The following GLIS3 variants were observed in gnomAD, a reference collection of about 807,000 sequenced individuals.
GLIS3 encodes the protein zinc finger protein GLIS3.
A neutral mutation model predicts 78.6 loss-of-function variants in GLIS3; 53 were observed. The ratio of observed to expected loss-of-function variants is 0.67; its 90% CI spans 0.54 to 0.85. The LOEUF is 0.85. Among genes scored for constraint, GLIS3 ranks in the 40% least tolerant of loss-of-function variants. GLIS3 has a pLI of 0.00. For missense variants in GLIS3, 1,703 were observed against 1,231.1 expected (o/e 1.38, Z -5.74); for synonymous variants, 684 against 509.9 (o/e 1.34, Z -4.60).
chr9:4,121,018 G>C (rs1445099436), intron 3 of GLIS3, among the ~76,000 whole-genome samples: 1 of 151,976 alleles, frequency 6.6e-6, no homozygotes, highest in African/African-American at 2.4e-5. Context: ...TAACTTTTTG[G>C]GCATCTGAGT....
intron 6 of GLIS3, chr9:3,899,072 C>G: frequency 1.8e-6 from 1 of 563,156 alleles, no homozygotes; most frequent in East Asian, 3.1e-5. Flanking sequence ...GACTTCAGTC[C>G]TTGATATTTC....
chr9:4,117,550 G>A (rs969284683), intron 4 of GLIS3, among the ~76,000 whole-genome samples: 24 of 152,126 alleles, frequency 1.6e-4, no homozygotes, highest in African/African-American at 5.8e-4. Context: ...TCACCTGCTG[G>A]GATGGATCGT....
At chr9:4,393,679 T>A in the GLIS3 span, among the ~76,000 whole-genome samples, 2 of 152,210 alleles carry the variant, frequency 1.3e-5, no homozygotes, top group African/African-American at 4.8e-5. Flanking sequence ...TGGCTGATGT[T>A]TCCTTGTGAT....
At chr9:4,473,409 G>A in the GLIS3 span, among the ~76,000 whole-genome samples, 4 of 148,836 alleles carry the variant, frequency 2.7e-5, no homozygotes, top group Non-Finnish European at 5.9e-5. Context: ...TCATGCCATT[G>A]CACTCCAGCC....
chr9:4,320,031 G>A (rs977053845), intron 2 of GLIS3, among the ~76,000 whole-genome samples: 35 of 149,344 alleles, frequency 2.3e-4, no homozygotes, highest in African/African-American at 6.9e-4. Flanking sequence ...GTGTGCGCGC[G>A]CACAAGAGTC....
chr9:3,928,380 C>T (rs1191267258), intron 6 of GLIS3, among the ~76,000 whole-genome samples: 2 of 152,216 alleles, frequency 1.3e-5, no homozygotes, highest in African/African-American at 4.8e-5. Context: ...CATCTGCCGT[C>T]TAGACCATGA....
chr9:3,971,476 TG>T (rs1356172028), intron 4 of GLIS3, among the ~76,000 whole-genome samples: 1 of 152,044 alleles, frequency 6.6e-6, no homozygotes, highest in East Asian at 1.9e-4. Flanking sequence ...AATAAGCCAT[TG>T]GGGGAAACTA....
chr9:4,459,256 C>A, the GLIS3 span, among the ~76,000 whole-genome samples: 1 of 152,128 alleles, frequency 6.6e-6, no homozygotes, highest in South Asian at 2.1e-4. Flanking sequence ...GCATTATATG[C>A]TGAAGTACTG....
At position 4,163,084 on chromosome 9, in the gene GLIS3, T is replaced by C. The variant is rs115664540; in HGVS notation, c.389-37143A>G. ...CATGCTAGGGACTCTACACATGTTA[T>C]ACATCACCTCCACTAGAAAATAAAG... On this transcript the variant is annotated intron_variant, in intron 2 of 10. Coordinates refer to ENST00000381971, the MANE Select transcript of GLIS3 (RefSeq NM_001042413.2). Among the ~76,000 whole-genome samples, 280 of 152,318 alleles carry C rather than the reference T, an allele frequency of 1.8e-3. 1 individual carries two copies. The highest frequency in any genetic ancestry group is 6.5e-3 in the African/African-American group (271 of 41,570).
intron 2 of GLIS3, among the ~76,000 whole-genome samples, chr9:4,252,675 G>A (rs1011737530): frequency 6.6e-6 from 1 of 152,090 alleles, no homozygotes; most frequent in Non-Finnish European, 1.5e-5. Flanking sequence ...GTGATCCTTT[G>A]GAGGAGAAGA....
chr9:4,330,364 T>C (rs1013566371), intron 2 of GLIS3, among the ~76,000 whole-genome samples: 1 of 152,260 alleles, frequency 6.6e-6, no homozygotes, highest in Non-Finnish European at 1.5e-5. Context: ...GCCCTGCGAG[T>C]TGGCACTGCT....
At chr9:4,413,394 C>T in the GLIS3 span, among the ~76,000 whole-genome samples, 1 of 152,172 alleles carries the variant, frequency 6.6e-6, no homozygotes, top group Non-Finnish European at 1.5e-5. Flanking sequence ...CACGGTCATA[C>T]TGTTAATCCC....
At chr9:3,989,334 G>A (rs1260593480) in intron 4 of GLIS3, among the ~76,000 whole-genome samples, 1 of 152,152 alleles carries the variant, frequency 6.6e-6, no homozygotes, top group Non-Finnish European at 1.5e-5. Flanking sequence ...CTGGAAAACA[G>A]TTTTCTTATA....
At position 4,136,376 on chromosome 9, in the gene GLIS3, CA is replaced by C. The variant is rs1470217881; in HGVS notation, c.389-10436del. On this transcript the variant is annotated intron_variant, in intron 2 of 10. Transcript: ENST00000381971. ...GTTTCCCAAAGTCCTTCAGGATGTC[CA>C]AAGATGTTAAATGACAATGAAGTTG... Among the ~76,000 whole-genome samples, 5 of 152,238 alleles carry C rather than the reference CA, an allele frequency of 3.3e-5. No individual in the cohort carries two copies. The East Asian group carries it at 9.7e-4, about 29-fold the overall frequency.
the GLIS3 span, among the ~76,000 whole-genome samples, chr9:4,387,588 C>T: frequency 7.2e-5 from 11 of 152,250 alleles, no homozygotes; most frequent in Admixed American, 5.9e-4. Flanking sequence ...GAGGATAATA[C>T]CAAGAGTTTG....
At chr9:4,382,263 G>T in the GLIS3 span, among the ~76,000 whole-genome samples, 1 of 152,172 alleles carries the variant, frequency 6.6e-6, no homozygotes, top group African/African-American at 2.4e-5. Flanking sequence ...TGAAAGTACA[G>T]ATTGGAGAAC....
At position 4,321,276 on chromosome 9, in the gene GLIS3, G is replaced by A. The variant is rs71510217; in HGVS notation, n.265-10748C>T. Among the ~76,000 whole-genome samples the A allele has an allele frequency of 1.8e-5, 2 of 109,756 alleles. 1 individual carries two copies. The highest frequency in any genetic ancestry group is 3.5e-5 in the Non-Finnish European group (2 of 57,498). The allele number at this position is 109,756 out of a possible 152,430, so 72.0% of individuals were successfully genotyped here. ...TCTACTAAAAATACAAAAAAAATTA[G>A]CCGGGAGTGGTGGCGGGCGCCTGTA... On this transcript the variant is annotated intron_variant and non_coding_transcript_variant, in intron 2 of 4. Transcript: ENST00000471664.
intron 4 of GLIS3, among the ~76,000 whole-genome samples, chr9:4,024,544 C>G (rs1823155053): frequency 6.6e-6 from 1 of 152,148 alleles, no homozygotes; most frequent in Non-Finnish European, 1.5e-5. Context: ...AACTCAGTCT[C>G]TTCATTTCTC....
chr9:3,880,289 C>T (rs141793333), intron 7 of GLIS3, among the ~76,000 whole-genome samples: 232 of 152,300 alleles, frequency 1.5e-3, no homozygotes, highest in Non-Finnish European at 2.6e-3. Context: ...CAGTCCCATT[C>T]GTATGGGCAG....
Sources: gnomAD v4.1 joint callset for allele counts (sites outside exome capture counted in the v4.1 genomes callset) on GRCh38, gnomAD v4.1.1 for gene constraint, MANE v1.5 for transcripts, NCBI Gene and HGNC (gene_info 2026-07-23, HGNC 2026-07-21) for gene names.